SLC35F1: variants seen among roughly 807,000 people sequenced by gnomAD.
SLC35F1 encodes the protein solute carrier family 35 member F1, also known as chromosome 6 open reading frame 169.
SLC35F1 carries 14 observed loss-of-function variants against 48.7 expected under a neutral mutation model. The observed-to-expected ratio is 0.29, with a 90% CI of 0.19 to 0.45. SLC35F1 has a LOEUF of 0.45. SLC35F1 is among the 20% of genes least tolerant of loss of function. The pLI is 1.00. For missense variants in SLC35F1, 404 were observed against 500.0 expected (o/e 0.81, Z 1.83); for synonymous variants, 190 against 202.2 (o/e 0.94, Z 0.51).
At chr6:118,184,107 T>C (rs1482111051) in intron 2 of SLC35F1, among the ~76,000 whole-genome samples, 1 of 152,148 alleles carries the variant, frequency 6.6e-6, no homozygotes, top group Admixed American at 6.6e-5. Flanking sequence ...CTGCCTATTT[T>C]CTAGGATGTG....
At chr6:117,925,043 G>C (rs1432724868) in intron 1 of SLC35F1, among the ~76,000 whole-genome samples, 1 of 152,124 alleles carries the variant, frequency 6.6e-6, no homozygotes, top group African/African-American at 2.4e-5. Flanking sequence ...ACCTGAGAAA[G>C]AGAAAAACGT....
intron 7 of SLC35F1, among the ~76,000 whole-genome samples, chr6:118,294,272 A>G (rs1228067619): frequency 6.6e-6 from 1 of 152,212 alleles, no homozygotes; most frequent in Non-Finnish European, 1.5e-5. Context: ...TGTAGAAAAC[A>G]TTGTATTAGT....
chr6:118,307,757 G>A (rs964013678), intron 7 of SLC35F1, among the ~76,000 whole-genome samples: 2 of 152,144 alleles, frequency 1.3e-5, no homozygotes, highest in Admixed American at 6.5e-5. Flanking sequence ...CAATTGGCTC[G>A]GGCCCAGTGG....
chr6:118,104,641 T>G (rs1773304791), intron 1 of SLC35F1, among the ~76,000 whole-genome samples: 1 of 152,214 alleles, frequency 6.6e-6, no homozygotes, highest in Non-Finnish European at 1.5e-5. Flanking sequence ...CTAATGTGAT[T>G]TTTTAAAGTA....
At chr6:118,192,943 G>C (rs563865483) in intron 2 of SLC35F1, among the ~76,000 whole-genome samples, 16 of 152,070 alleles carry the variant, frequency 1.1e-4, no homozygotes, top group Non-Finnish European at 1.9e-4. Flanking sequence ...AGAATTCCAG[G>C]TTGCCATAAG....
intron 2 of SLC35F1, among the ~76,000 whole-genome samples, chr6:118,195,517 C>T (rs1172891812): frequency 2.0e-5 from 3 of 151,638 alleles, no homozygotes; most frequent in African/African-American, 7.3e-5. Context: ...TTTTTTTTTC[C>T]TACCTAAGTG....
chr6:118,110,103 A>G (rs369137172), intron 1 of SLC35F1, among the ~76,000 whole-genome samples: 1 of 152,096 alleles, frequency 6.6e-6, no homozygotes, highest in Non-Finnish European at 1.5e-5. Context: ...CCTGTTTCCC[A>G]TCTATGCCAT....
rs533441123 is a variant in SLC35F1 at position 118,256,001 on chromosome 6, G to A, written c.478-10994G>A. On this transcript the variant is annotated intron_variant, in intron 3 of 7. Transcript: ENST00000360388. ...CTCAGGGAGAGAGTGTAAGAGAGGT[G>A]GTGGCTGTCTACCAAAAAAGTTTGT... Among the ~76,000 whole-genome samples, 5 of 152,094 alleles carry A rather than the reference G, an allele frequency of 3.3e-5. No individual in the cohort carries two copies. In the South Asian group the frequency reaches 1.0e-3, roughly 32 times the overall value.
chr6:118,102,679 C>T (rs1773275318), intron 1 of SLC35F1, among the ~76,000 whole-genome samples: 1 of 152,208 alleles, frequency 6.6e-6, no homozygotes, highest in Non-Finnish European at 1.5e-5. Flanking sequence ...ACCTCAGAAG[C>T]TCATCCGTGG....
intron 1 of SLC35F1, among the ~76,000 whole-genome samples, chr6:118,086,423 T>G (rs1409471382): frequency 1.3e-5 from 2 of 152,342 alleles, no homozygotes; most frequent in East Asian, 3.9e-4. Flanking sequence ...GTTAGGATAC[T>G]TGAACTCACT....
At position 117,907,572 on chromosome 6, in the gene SLC35F1, C is replaced by T. The variant is rs938026576; in HGVS notation, c.-155C>T. 8.6e-5 allele frequency: 34 copies of T among 395,612 alleles called. No individual in the cohort carries two copies. The highest frequency in any genetic ancestry group is 7.2e-4 in the African/African-American group (34 of 46,954). The allele number at this position is 395,612 out of a possible 1,614,324, so 24.5% of individuals were successfully genotyped here. A position where few individuals can be genotyped will look rare whatever the true frequency, so the allele number is the denominator to read the frequency against. Reference sequence around the variant, plus strand: ...GCGGGCTGGGCGGCGGCGGCCGTAGCCGCGGGTGCCTCCCCGCCTCACCGC... The same window carrying T: ...GCGGGCTGGGCGGCGGCGGCCGTAGTCGCGGGTGCCTCCCCGCCTCACCGC... On this transcript the variant is annotated 5_prime_UTR_variant, in exon 1 of 8. Coordinates refer to ENST00000360388, the MANE Select transcript of SLC35F1 (RefSeq NM_001029858.4).
intron 1 of SLC35F1, among the ~76,000 whole-genome samples, chr6:117,917,093 G>T (rs926301387): frequency 6.6e-6 from 1 of 152,130 alleles, no homozygotes; most frequent in African/African-American, 2.4e-5. Context: ...AATTTGGCTG[G>T]TCAGGCCTCT....
intron 2 of SLC35F1, among the ~76,000 whole-genome samples, chr6:118,160,518 T>C (rs1774214793): frequency 6.6e-6 from 1 of 152,222 alleles, no homozygotes; most frequent in South Asian, 2.1e-4. Flanking sequence ...ATCCCTTTGA[T>C]TTTTTTCAAA....
intron 2 of SLC35F1, among the ~76,000 whole-genome samples, chr6:118,216,682 C>T (rs1350796455): frequency 6.6e-6 from 1 of 152,054 alleles, no homozygotes; most frequent in Non-Finnish European, 1.5e-5. Context: ...GGAATTATTT[C>T]CTTATTGTCT....
At chr6:118,031,980 G>A (rs544400121) in intron 1 of SLC35F1, among the ~76,000 whole-genome samples, 17 of 152,196 alleles carry the variant, frequency 1.1e-4, no homozygotes, top group East Asian at 5.8e-4. Flanking sequence ...ATTCAATCCC[G>A]CCTCTGGAGT....
chr6:118,190,372 G>A (rs1031085769), intron 2 of SLC35F1, among the ~76,000 whole-genome samples: 1 of 151,806 alleles, frequency 6.6e-6, no homozygotes, highest in African/African-American at 2.4e-5. Flanking sequence ...CTCCATTTTG[G>A]TTTGGTTTAG....
intron 1 of SLC35F1, among the ~76,000 whole-genome samples, chr6:117,965,404 C>T (rs920807587): frequency 1.4e-4 from 21 of 152,228 alleles, no homozygotes; most frequent in African/African-American, 4.8e-4. Flanking sequence ...CATCTCTCCT[C>T]AGTTCTTATG....
At chr6:118,306,209 T>G (rs185544756) in intron 7 of SLC35F1, among the ~76,000 whole-genome samples, 1 of 57,550 alleles carries the variant, frequency 1.7e-5, no homozygotes, top group East Asian at 3.4e-4. Context: ...GCATGGAACC[T>G]TTGTTCTGTC....
At chr6:118,028,517 C>G (rs1050247613) in intron 1 of SLC35F1, among the ~76,000 whole-genome samples, 2 of 151,978 alleles carry the variant, frequency 1.3e-5, no homozygotes, top group Admixed American at 1.3e-4. Context: ...GGATGAATGA[C>G]TGGTTTAGAG....
Sources: allele counts gnomAD v4.1 joint callset (sites outside exome capture counted in the v4.1 genomes callset), GRCh38; gene constraint gnomAD v4.1.1; transcripts MANE v1.5; gene names NCBI Gene and HGNC (gene_info 2026-07-23, HGNC 2026-07-21).